Variants in RBFOX1 observed in about 807,000 individuals in gnomAD.
RBFOX1 encodes the protein RNA binding fox-1 homolog 1.
RBFOX1 carries 8 observed loss-of-function variants against 57.7 expected under a neutral mutation model. The observed-to-expected ratio is 0.14, with a 90% CI of 0.08 to 0.25. The LOEUF (loss-of-function observed/expected upper bound fraction) is 0.25, where lower values mean the gene tolerates loss of function less well. Ranked by LOEUF, RBFOX1 falls within the 10% of genes least tolerant of loss-of-function variation. RBFOX1 has a pLI of 1.00. For missense variants in RBFOX1, 611 were observed against 548.5 expected (o/e 1.11, Z -1.14); for synonymous variants, 326 against 222.4 (o/e 1.47, Z -4.15).
At chr16:5,913,644 A>G (rs114276226) in intron 4 of RBFOX1, among the ~76,000 whole-genome samples, 4,612 of 152,254 alleles carry the variant, frequency 0.03, 224 homozygotes, top group African/African-American at 0.11. Context: ...TTCTTTATAC[A>G]TTACCCAGTC....
chr16:6,183,761 G>A (rs72774583), intron 1 of RBFOX1, among the ~76,000 whole-genome samples: 1 of 151,950 alleles, frequency 6.6e-6, no homozygotes, highest in Non-Finnish European at 1.5e-5. Flanking sequence ...GGAGCCTGGG[G>A]TAGGGGAGAA....
intron 4 of RBFOX1, among the ~76,000 whole-genome samples, chr16:7,381,596 C>G (rs1450185744): frequency 6.6e-6 from 1 of 151,432 alleles, no homozygotes; most frequent in Non-Finnish European, 1.5e-5. Flanking sequence ...GGTGCCTGTT[C>G]TTTTTCAGTG....
At chr16:5,358,734 G>A (rs2065460912) in intron 1 of RBFOX1, among the ~76,000 whole-genome samples, 1 of 152,220 alleles carries the variant, frequency 6.6e-6, no homozygotes, top group African/African-American at 2.4e-5. Context: ...GGTTGAGGCA[G>A]GAGAATCGCT....
At chr16:5,955,829 T>C (rs1198918562) in intron 4 of RBFOX1, among the ~76,000 whole-genome samples, 1 of 152,206 alleles carries the variant, frequency 6.6e-6, no homozygotes, top group Non-Finnish European at 1.5e-5. Context: ...CTAATATATA[T>C]GACATGTTAA....
chr16:7,535,252 T>C (rs80120236), intron 5 of RBFOX1, among the ~76,000 whole-genome samples: 110 of 152,322 alleles, frequency 7.2e-4, no homozygotes, highest in African/African-American at 2.5e-3. Context: ...ATCATTTCCC[T>C]GGGCCAGCTC....
chr16:5,423,057 G>A (rs1481231210), intron 1 of RBFOX1, among the ~76,000 whole-genome samples: 1 of 118,744 alleles, frequency 8.4e-6, no homozygotes, highest in Non-Finnish European at 1.8e-5. Context: ...GAGGGAAGAG[G>A]GGAGGAAAGA....
chr16:6,917,606 C>T (rs943168683), intron 3 of RBFOX1, among the ~76,000 whole-genome samples: 2 of 152,072 alleles, frequency 1.3e-5, no homozygotes, highest in Non-Finnish European at 2.9e-5. Context: ...GACACCGGCT[C>T]CCTTCCTGCC....
intron 2 of RBFOX1, among the ~76,000 whole-genome samples, chr16:5,497,503 G>A (rs745872123): frequency 6.6e-6 from 1 of 151,972 alleles, no homozygotes; most frequent in South Asian, 2.1e-4. Flanking sequence ...GGCCAGGCAC[G>A]GTGGCTCATG....
intron 1 of RBFOX1, among the ~76,000 whole-genome samples, chr16:5,367,781 C>G (rs952135117): frequency 6.6e-6 from 1 of 152,110 alleles, no homozygotes; most frequent in East Asian, 1.9e-4. Flanking sequence ...GATGCCTTGC[C>G]CATGGTCCCA....
intron 4 of RBFOX1, among the ~76,000 whole-genome samples, chr16:5,880,232 A>G (rs370643040): frequency 4.7e-4 from 71 of 152,284 alleles, no homozygotes; most frequent in East Asian, 3.7e-3. Flanking sequence ...CTATTTGTCA[A>G]TGGTCACACA....
intron 12 of RBFOX1, among the ~76,000 whole-genome samples, chr16:7,658,159 C>T (rs1056457544): frequency 2.0e-5 from 3 of 152,256 alleles, no homozygotes; most frequent in Admixed American, 1.3e-4. Context: ...GGTTGATGAA[C>T]TTAGCGACTT....
intron 1 of RBFOX1, among the ~76,000 whole-genome samples, chr16:5,466,457 G>T (rs1443422618): frequency 1.3e-5 from 2 of 152,060 alleles, no homozygotes; most frequent in Admixed American, 1.3e-4. Flanking sequence ...GGGCAGAGGG[G>T]GTATTTCAAC....
At chr16:5,301,333 C>A (rs1392254566) in intron 1 of RBFOX1, among the ~76,000 whole-genome samples, 1 of 151,678 alleles carries the variant, frequency 6.6e-6, no homozygotes, top group Non-Finnish European at 1.5e-5. Flanking sequence ...TATAAGTGAG[C>A]TTAGGGCTAG....
Position 7,569,553 on chromosome 16 carries a change from A to G in RBFOX1, c.271-10224A>G, listed in dbSNP as rs757499552. ...CCACACAGGTAATCCAGGATAATCT[A>G]TTTTATGGTCATGTGATTAGCAACC... On this transcript the variant is annotated intron_variant, in intron 5 of 15. Transcript: ENST00000550418. 6.7e-4 allele frequency among the ~76,000 whole-genome samples: 102 copies of G among 152,264 alleles called. 1 individual carries two copies. The highest frequency in any genetic ancestry group is 2.2e-4 in the Non-Finnish European group (15 of 68,018).
intron 3 of RBFOX1, among the ~76,000 whole-genome samples, chr16:6,810,344 G>T (rs562604556): frequency 1.3e-5 from 2 of 152,174 alleles, no homozygotes; most frequent in South Asian, 4.2e-4. Flanking sequence ...GGAGGCTTCC[G>T]TGCATTTTTT....
At chr16:7,122,188 G>T (rs1182320610) in intron 4 of RBFOX1, among the ~76,000 whole-genome samples, 2 of 152,072 alleles carry the variant, frequency 1.3e-5, no homozygotes, top group Non-Finnish European at 2.9e-5. Flanking sequence ...AATTATATGT[G>T]AAGGTCTCTA....
intron 1 of RBFOX1, among the ~76,000 whole-genome samples, chr16:5,303,450 G>A (rs1034013608): frequency 6.6e-6 from 1 of 152,180 alleles, no homozygotes; most frequent in Non-Finnish European, 1.5e-5. Flanking sequence ...ACTTCTGTTT[G>A]CTGTCACCTC....
chr16:5,311,403 T>A (rs764201015), intron 1 of RBFOX1, among the ~76,000 whole-genome samples: 71 of 152,218 alleles, frequency 4.7e-4, no homozygotes, highest in Non-Finnish European at 1.6e-4. Flanking sequence ...ACTTCTCTTT[T>A]GGGTGGGTAC....
intron 1 of RBFOX1, among the ~76,000 whole-genome samples, chr16:5,437,340 G>A (rs1157497005): frequency 6.6e-6 from 1 of 152,126 alleles, no homozygotes; most frequent in Admixed American, 6.5e-5. Context: ...AGGTAATCTG[G>A]CATTTTCTTT....
Sources: allele counts gnomAD v4.1 joint callset (sites outside exome capture counted in the v4.1 genomes callset), GRCh38; gene constraint gnomAD v4.1.1; transcripts MANE v1.5; gene names NCBI Gene and HGNC (gene_info 2026-07-23, HGNC 2026-07-21).